Variants in NCR1 observed in about 807,000 individuals in gnomAD.
NCR1 encodes the protein NK cell-activating receptor.
Under a neutral mutation model 32.5 loss-of-function variants are expected in NCR1, and 30 were observed. That is an observed-to-expected ratio of 0.92 (90% CI 0.69 to 1.25). The LOEUF is 1.25. Among genes scored for constraint, NCR1 ranks in the 50% most tolerant of loss-of-function variants. The pLI is 0.00. For synonymous variants in NCR1, 169 were observed against 143.4 expected, an observed-to-expected ratio of 1.18 and a Z score of -1.28; for missense variants, 369 against 380.7, an observed-to-expected ratio of 0.97 and a Z score of 0.26.
upstream of NCR1, among the ~76,000 whole-genome samples, chr19:54,904,812 C>T (rs7255591): frequency 6.6e-6 from 1 of 152,106 alleles, no homozygotes; most frequent in African/African-American, 2.4e-5. Context: ...GATGACAGGC[C>T]TGAGCCACCG....
chr19:54,932,743 C>T, the NCR1 span, among the ~76,000 whole-genome samples: 1 of 151,798 alleles, frequency 6.6e-6, no homozygotes, highest in Non-Finnish European at 1.5e-5. Flanking sequence ...GCAGCCTCTG[C>T]CTCCCAGATT....
downstream of NCR1, among the ~76,000 whole-genome samples, chr19:54,914,079 GA>G (rs556827980): frequency 5.2e-3 from 583 of 111,182 alleles, 1 homozygote; most frequent in African/African-American, 0.011. Context: ...AAAAAAAAAA[GA>G]AAAAAAAAAA....
chr19:54,904,122 T>C (rs587701361), upstream of NCR1, among the ~76,000 whole-genome samples: 5 of 25,104 alleles, frequency 2.0e-4, no homozygotes, highest in South Asian at 1.6e-3. Context: ...CAAGACTCTG[T>C]CTCAAAAAAA....
At chr19:54,926,609 A>G in the NCR1 span, among the ~76,000 whole-genome samples, 14 of 151,778 alleles carry the variant, frequency 9.2e-5, no homozygotes, top group African/African-American at 3.1e-4. Flanking sequence ...GTGAAACCCC[A>G]TCTCTACTAA....
upstream of NCR1, among the ~76,000 whole-genome samples, chr19:54,903,465 T>C (rs1183290989): frequency 7.3e-6 from 1 of 137,374 alleles, no homozygotes; most frequent in African/African-American, 2.6e-5. Context: ...TATATGTATG[T>C]ATACACGGAT....
chr19:54,933,501 A>ACTTT, the NCR1 span: 2 of 1,574,130 alleles, frequency 1.3e-6, no homozygotes, highest in Non-Finnish European at 1.7e-6. Context: ...AAATGAATTA[A>ACTTT]CAAGTACTTT....
chr19:54,934,508 G>T, the NCR1 span: 1 of 1,614,174 alleles, frequency 6.2e-7, no homozygotes, highest in Non-Finnish European at 8.5e-7. This position sits in a 1 kb window ranked among gnomAD's most constrained non-coding sequence, Gnocchi z 6.7. Context: ...TGCAGGAAGT[G>T]TTTTGGGCGT....
At chr19:54,903,978 G>T (rs2067385441), upstream of NCR1, among the ~76,000 whole-genome samples, 2 of 151,642 alleles carry the variant, frequency 1.3e-5, no homozygotes, top group African/African-American at 4.8e-5. Flanking sequence ...GTACAAAAAT[G>T]AGCTGGGCGT....
rs770811879 is a variant in NCR1, at chr19:54,910,019, C to T, written c.636C>T (p.Gly212=). ...TTTTTTCTTTATCTCCTTTTCCAGG[C>T]GACATTGAGAACACCAGCCTTGCAC... ...PSEPVKLLVT[G]DIENTSLAPE... is the part of the protein sequence containing the mutation. Residue 212 remains glycine, a splice_region_variant and synonymous_variant, in exon 5 of 7, where the codon GGC becomes GGT. Coordinates refer to ENST00000291890, the MANE Select transcript of NCR1 (RefSeq NM_004829.7). 12 of 1,612,350 alleles carry T rather than the reference C, an allele frequency of 7.4e-6. No individual in the cohort carries two copies. Among genetic ancestry groups the T allele is most frequent in the Middle Eastern group, 1.7e-4 (1 of 6,048 alleles).
chr19:54,918,579 G>A (rs773094718), downstream of NCR1, among the ~76,000 whole-genome samples: 3 of 152,024 alleles, frequency 2.0e-5, no homozygotes, highest in Non-Finnish European at 4.4e-5. Flanking sequence ...GGCCTAATGT[G>A]TAGTTTTTTA....
At chr19:54,921,096 G>A (rs2068236214), downstream of NCR1, among the ~76,000 whole-genome samples, 1 of 152,190 alleles carries the variant, frequency 6.6e-6, no homozygotes. Flanking sequence ...CGACCCAGAT[G>A]TTTTCACTCC....
the NCR1 span, chr19:54,936,221 G>T: frequency 6.3e-7 from 1 of 1,578,130 alleles, no homozygotes; most frequent in Non-Finnish European, 8.7e-7. Context: ...CGGTGCAGTG[G>T]ACTCCAGGTG....
At chr19:54,909,959 ATGG>A in intron 4 of NCR1, 56 bp from the exon 5 acceptor site, 9 of 1,347,042 alleles carry the variant, frequency 6.7e-6, no homozygotes, top group Non-Finnish European at 7.2e-6. Context: ...AAAAAAAAGA[ATGG>A]CAAGACCGGA....
the NCR1 span, chr19:54,927,879 GC>G: frequency 1.0e-6 from 1 of 988,652 alleles, no homozygotes; most frequent in Non-Finnish European, 1.6e-6. Context: ...ATCACTTGAG[GC>G]CAGGTGTTCG....
chr19:54,931,509 GA>G, the NCR1 span, among the ~76,000 whole-genome samples: 1 of 152,040 alleles, frequency 6.6e-6, no homozygotes. Context: ...AAGCAATATG[GA>G]GAAACCCGTC....
At chr19:54,924,385 G>A in the NCR1 span, among the ~76,000 whole-genome samples, 1 of 152,236 alleles carries the variant, frequency 6.6e-6, no homozygotes, top group African/African-American at 2.4e-5. Flanking sequence ...CACTTTGGGA[G>A]GCCAAGGCAG....
the NCR1 span, among the ~76,000 whole-genome samples, chr19:54,931,106 C>T: frequency 0.3 from 45,788 of 152,020 alleles, 7,219 homozygotes; most frequent in East Asian, 0.41. Context: ...GAGCTATATA[C>T]TTCCAGGTGG....
At chr19:54,919,406 G>A (rs548453749), downstream of NCR1, among the ~76,000 whole-genome samples, 3,889 of 152,198 alleles carry the variant, frequency 0.026, 36 homozygotes, top group African/African-American at 0.089. Flanking sequence ...CACTGGACAG[G>A]GGGCCCTTCC....
the NCR1 span, chr19:54,936,357 T>C: frequency 1.9e-6 from 3 of 1,614,070 alleles, no homozygotes; most frequent in East Asian, 6.7e-5. Flanking sequence ...CAGGGTCAGG[T>C]GCGTGAGGGT....
Sources: gnomAD v4.1 joint callset for allele counts (sites outside exome capture counted in the v4.1 genomes callset) on GRCh38, gnomAD v4.1.1 for gene constraint, Gnocchi (gnomAD v3.1) non-coding constraint, MANE v1.5 for transcripts, NCBI Gene and HGNC (gene_info 2026-07-23, HGNC 2026-07-21) for gene names.